Variants in PDE4D observed in about 807,000 individuals in gnomAD.
The protein encoded by PDE4D is phosphodiesterase 4D, also known as 3',5'-cyclic-AMP phosphodiesterase 4D.
PDE4D carries 24 observed loss-of-function variants against 87.4 expected under a neutral mutation model. The observed-to-expected ratio is 0.27, with a 90% confidence interval of 0.20 to 0.39. The LOEUF (loss-of-function observed/expected upper bound fraction) is 0.39. PDE4D is among the 10% of genes least tolerant of loss of function. The pLI is 1.00. For missense variants in PDE4D, 714 were observed against 1,041.0 expected (o/e 0.69, Z 4.32); for synonymous variants, 384 against 383.2 (o/e 1.00, Z -0.02).
intron 1 of PDE4D, among the ~76,000 whole-genome samples, chr5:59,466,807 A>G (rs1191270315): frequency 6.6e-6 from 1 of 152,216 alleles, no homozygotes; most frequent in South Asian, 2.1e-4. Flanking sequence ...ACCAATATAC[A>G]TGGAAGAATC....
intron 1 of PDE4D, among the ~76,000 whole-genome samples, chr5:60,209,108 C>G (rs1454355645): frequency 1.3e-5 from 2 of 151,646 alleles, no homozygotes; most frequent in African/African-American, 4.8e-5. Flanking sequence ...CTGGAAACCT[C>G]TATGTACAGT....
In PDE4D at chr5:60,145,650, C is replaced by T. The variant is rs575683661; in HGVS notation, c.42+39907G>A. Among the ~76,000 whole-genome samples, 23 of 152,276 alleles carry T rather than the reference C, an allele frequency of 1.5e-4. No homozygotes were observed. The South Asian group carries it at 4.6e-3, about 30-fold the overall frequency. ...TTTTCCTACCCTACAAAGTACCTAG[C>T]AGAGAGCCTTTCAGATATCCAGTAC... On this transcript the variant is annotated intron_variant, in intron 2 of 16. Coordinates refer to the PDE4D transcript ENST00000502484.
chr5:60,066,089 A>G (rs1772047448), intron 2 of PDE4D, among the ~76,000 whole-genome samples: 1 of 152,156 alleles, frequency 6.6e-6, no homozygotes, highest in East Asian at 1.9e-4. Flanking sequence ...CATCCTCTCC[A>G]GCACCTGTTG....
intron 5 of PDE4D, 114 bp downstream of exon 5, chr5:59,180,481 A>G: frequency 1.2e-6 from 1 of 835,214 alleles, no homozygotes; most frequent in Non-Finnish European, 2.0e-6. Flanking sequence ...AGAAGAAAGA[A>G]TTTCTTTAAC....
chr5:60,459,656 G>T (rs1044383362), intron 1 of PDE4D, among the ~76,000 whole-genome samples: 1 of 152,060 alleles, frequency 6.6e-6, no homozygotes, highest in African/African-American at 2.4e-5. Context: ...GGATAAAAAT[G>T]AATTTCAAAC....
intron 1 of PDE4D, among the ~76,000 whole-genome samples, chr5:60,202,995 A>T (rs755180057): frequency 2.0e-5 from 3 of 152,192 alleles, no homozygotes; most frequent in Non-Finnish European, 4.4e-5. Flanking sequence ...TTTTTGAGAC[A>T]GAGTTTCACT....
intron 5 of PDE4D, chr5:59,125,233 T>TA: frequency 2.1e-6 from 2 of 972,280 alleles, no homozygotes; most frequent in South Asian, 9.5e-5. Flanking sequence ...TTACTGCACT[T>TA]ACCCTTGCTT....
intron 1 of PDE4D, among the ~76,000 whole-genome samples, chr5:59,859,136 A>C (rs941009366): frequency 1.3e-5 from 2 of 152,236 alleles, no homozygotes; most frequent in Non-Finnish European, 2.9e-5. Flanking sequence ...ACAACTAAGA[A>C]GTGAACATCT....
intron 1 of PDE4D, among the ~76,000 whole-genome samples, chr5:60,259,147 T>A (rs983189031): frequency 6.6e-6 from 1 of 152,096 alleles, no homozygotes; most frequent in Non-Finnish European, 1.5e-5. Context: ...GAGTTCTTCC[T>A]ATAATTATAA....
intron 3 of PDE4D, among the ~76,000 whole-genome samples, chr5:59,899,631 G>T (rs182044008): frequency 7.0e-4 from 107 of 152,190 alleles, no homozygotes; most frequent in Middle Eastern, 3.4e-3. Flanking sequence ...TAAGAAGTTG[G>T]AGTGTGATGT....
At chr5:60,169,725 C>T (rs573449169) in intron 2 of PDE4D, among the ~76,000 whole-genome samples, 2 of 152,134 alleles carry the variant, frequency 1.3e-5, no homozygotes, top group African/African-American at 4.8e-5. Context: ...TATAAGCATG[C>T]AAGCATTCCA....
intron 1 of PDE4D, among the ~76,000 whole-genome samples, chr5:59,525,893 A>C (rs1813044520): frequency 6.6e-6 from 1 of 152,118 alleles, no homozygotes; most frequent in Admixed American, 6.5e-5. Context: ...CCATGATTTT[A>C]AGTTTCCTGA....
At chr5:59,961,565 A>G (rs183516964) in intron 3 of PDE4D, among the ~76,000 whole-genome samples, 10 of 152,288 alleles carry the variant, frequency 6.6e-5, no homozygotes, top group Admixed American at 6.5e-4. Context: ...TTTATATGGC[A>G]GCCTCAGGAA....
intron 1 of PDE4D, among the ~76,000 whole-genome samples, chr5:60,191,734 T>G (rs1179409193): frequency 6.6e-6 from 1 of 152,154 alleles, no homozygotes. Context: ...CAGTGGCTCG[T>G]GCCTGTCATC....
intron 5 of PDE4D, among the ~76,000 whole-genome samples, chr5:59,111,004 A>T (rs1314751006): frequency 6.6e-6 from 1 of 152,200 alleles, no homozygotes; most frequent in African/African-American, 2.4e-5. Flanking sequence ...GCTCCTGTCA[A>T]TGCCTCCACA....
At chr5:60,327,180 G>A (rs1756876778) in intron 1 of PDE4D, among the ~76,000 whole-genome samples, 1 of 152,128 alleles carries the variant, frequency 6.6e-6, no homozygotes, top group Non-Finnish European at 1.5e-5. Context: ...TGACACAGGA[G>A]CCCTCATAAG....
intron 2 of PDE4D, among the ~76,000 whole-genome samples, chr5:60,173,797 G>GAT (rs1783685663): frequency 6.6e-6 from 1 of 151,970 alleles, no homozygotes; most frequent in Non-Finnish European, 1.5e-5. Context: ...ACCATCTTGG[G>GAT]GAGAAAAAAT....
rs1766410696 is a variant in PDE4D, at chr5:60,024,446, T to A, written c.43-35729A>T. 2.0e-5 allele frequency among the ~76,000 whole-genome samples: 3 copies of A among 152,210 alleles called. No homozygotes were observed. The South Asian group carries it at 6.2e-4, about 32-fold the overall frequency. On this transcript the variant is annotated intron_variant, in intron 2 of 16. Transcript: ENST00000502484. ...TTTATTGTTTCAAAGATGTATTTATTTAAAATTACAGTTTCAATTAGAAAT... is the reference window on the plus strand; with the variant it reads ...TTTATTGTTTCAAAGATGTATTTATATAAAATTACAGTTTCAATTAGAAAT...
At chr5:59,420,364 C>T (rs1053300955) in intron 1 of PDE4D, among the ~76,000 whole-genome samples, 2 of 152,160 alleles carry the variant, frequency 1.3e-5, no homozygotes, top group African/African-American at 4.8e-5. Flanking sequence ...CAGGTTAACA[C>T]TCATCTTCCT....
Sources: allele counts gnomAD v4.1 joint callset (sites outside exome capture counted in the v4.1 genomes callset), GRCh38; gene constraint gnomAD v4.1.1; transcripts MANE v1.5; gene names NCBI Gene and HGNC (gene_info 2026-07-23, HGNC 2026-07-21).